Variants in DENND11 observed in about 807,000 individuals in gnomAD.
DENND11 encodes the protein DENN domain containing 11.
In DENND11, 34 loss-of-function variants were observed where a neutral mutation model predicts 49.2. The ratio of observed to expected loss-of-function variants is 0.69; its 90% CI spans 0.53 to 0.92. The LOEUF is 0.92. DENND11 is among the 40% of genes least tolerant of loss of function. The pLI, the probability that DENND11 is intolerant of heterozygous loss-of-function variation, is 0.00. For synonymous variants in DENND11, 238 were observed against 230.3 expected (o/e 1.03, Z -0.30); for missense variants, 475 against 581.6 (o/e 0.82, Z 1.88).
At chr7:141,676,749 T>A (rs1798064963) in intron 3 of DENND11, among the ~76,000 whole-genome samples, 1 of 152,160 alleles carries the variant, frequency 6.6e-6, no homozygotes, top group Non-Finnish European at 1.5e-5. Context: ...GGATGATAAG[T>A]TAGTCTTCAA....
rs1417523147 is a variant in DENND11, at chr7:141,670,936, G to A, written c.681+3131C>T. Reference sequence around the variant, plus strand: ...CTGCAGATTTGGGTATCTGAGGGAGGGTGCCTAGAACCAAGGCCCTGCAAA... The same window carrying A: ...CTGCAGATTTGGGTATCTGAGGGAGAGTGCCTAGAACCAAGGCCCTGCAAA... On this transcript the variant is annotated intron_variant, in intron 4 of 8. Transcript: ENST00000536163. Among the ~76,000 whole-genome samples, 3 of 152,160 alleles carry A rather than the reference G, an allele frequency of 2.0e-5. No individual in the cohort carries two copies. In the East Asian group the frequency reaches 5.8e-4, roughly 29 times the overall value.
Position 141,660,015 on chromosome 7 carries a change from G to A in DENND11, c.*2641C>T, listed in dbSNP as rs1797765062. ...CTGGTAGCAAAGGATCCTAGGTTGT[G>A]CCTGTTAATCTGTCATGTTGGGGAG... On this transcript the variant is annotated 3_prime_UTR_variant, in exon 9 of 9. Coordinates refer to ENST00000536163, the MANE Select transcript of DENND11 (RefSeq NM_001080392.2). The A allele has an allele frequency of 6.6e-6, 1 of 152,192 alleles. No individual in the cohort carries two copies. Among genetic ancestry groups the A allele is most frequent in the Non-Finnish European group, 1.5e-5 (1 of 68,044 alleles). The allele number at this position is 152,192 out of a possible 1,614,324, so 9.4% of individuals were successfully genotyped here. A position where few individuals can be genotyped will look rare whatever the true frequency, so the allele number is the denominator to read the frequency against.
chr7:141,686,752 C>T (rs1798249920), intron 1 of DENND11, 94 bp from the exon 2 acceptor site: 3 of 817,928 alleles, frequency 3.7e-6, no homozygotes, highest in Non-Finnish European at 6.1e-6. Flanking sequence ...TTTCAATAAA[C>T]CGACTGCTGA....
chr7:141,698,073 C>T (rs536481824), intron 1 of DENND11, among the ~76,000 whole-genome samples: 7 of 152,308 alleles, frequency 4.6e-5, no homozygotes, highest in Admixed American at 2.6e-4. Context: ...AAACTCTAAA[C>T]GCAGCAGTGT....
intron 1 of DENND11, among the ~76,000 whole-genome samples, chr7:141,693,737 G>T (rs1418208835): frequency 6.6e-6 from 1 of 152,172 alleles, no homozygotes; most frequent in Non-Finnish European, 1.5e-5. Flanking sequence ...AGAGAAGCCA[G>T]CCTGAAAAGG....
chr7:141,689,852 A>G (rs1224820352), intron 1 of DENND11, among the ~76,000 whole-genome samples: 1 of 152,218 alleles, frequency 6.6e-6, no homozygotes, highest in African/African-American at 2.4e-5. Context: ...GTGTAGCAAC[A>G]GTTTGTTCAT....
intron 2 of DENND11, 33 bp from the exon 3 acceptor site, chr7:141,685,669 G>C: frequency 6.2e-7 from 1 of 1,607,886 alleles, no homozygotes; most frequent in Non-Finnish European, 8.5e-7. Flanking sequence ...TGTGGCTCAA[G>C]ATCAGAGAGG....
intron 4 of DENND11, among the ~76,000 whole-genome samples, chr7:141,667,778 G>A (rs931416325): frequency 3.9e-5 from 6 of 152,178 alleles, no homozygotes; most frequent in Non-Finnish European, 8.8e-5. Flanking sequence ...ACCCTCCGAA[G>A]CTGTGTCTGC....
intron 4 of DENND11, among the ~76,000 whole-genome samples, chr7:141,670,472 A>G (rs1212225700): frequency 3.9e-5 from 6 of 152,266 alleles, no homozygotes; most frequent in Admixed American, 6.5e-5. Context: ...CCAACATAGT[A>G]TAACAACTAT....
chr7:141,674,160 C>A lies in DENND11; in HGVS notation c.588G>T (p.Lys196Asn). The A allele has an allele frequency of 6.4e-7, 1 of 1,567,664 alleles. No individual in the cohort carries two copies. The highest frequency in any genetic ancestry group is 8.6e-7 in the Non-Finnish European group (1 of 1,156,118). ...TGCCGGGACCAGCATGGAGCACCCC[C>A]TTTTTGTCCTCATAGAAGGCAGCCA... is the stretch of plus-strand genomic sequence containing the variant. ...SHLAAFYEDKKGVLHAGPGRG... is the reference protein window; with the variant it reads ...SHLAAFYEDKNGVLHAGPGRG... Residue 196 changes from lysine to asparagine, a missense_variant, in exon 4 of 9, where the codon AAG (lysine) becomes AAT (asparagine). Coordinates refer to ENST00000536163, the MANE Select transcript of DENND11 (RefSeq NM_001080392.2).
intron 1 of DENND11, among the ~76,000 whole-genome samples, chr7:141,693,045 G>C (rs1798351353): frequency 6.6e-6 from 1 of 152,168 alleles, no homozygotes; most frequent in African/African-American, 2.4e-5. Flanking sequence ...TCTGATCTAT[G>C]AGAGACACTA....
intron 1 of DENND11, among the ~76,000 whole-genome samples, chr7:141,693,567 A>G (rs1239088590): frequency 6.6e-6 from 1 of 152,212 alleles, no homozygotes; most frequent in Admixed American, 6.5e-5. Flanking sequence ...TTTATTCACA[A>G]TGGCCCAAAA....
chr7:141,699,757 G>GT (rs1798476247), intron 1 of DENND11, among the ~76,000 whole-genome samples: 1 of 152,166 alleles, frequency 6.6e-6, no homozygotes, highest in Admixed American at 6.5e-5. Flanking sequence ...ACCATCCCTG[G>GT]TATGTTCCCT....
At chr7:141,697,855 C>T (rs888166483) in intron 1 of DENND11, among the ~76,000 whole-genome samples, 7 of 152,064 alleles carry the variant, frequency 4.6e-5, no homozygotes, top group Non-Finnish European at 7.4e-5. Flanking sequence ...TAGAAGCGCT[C>T]GGATACATTA....
chr7:141,695,704 G>T (rs1364047007), intron 1 of DENND11, among the ~76,000 whole-genome samples: 1 of 152,144 alleles, frequency 6.6e-6, no homozygotes, highest in Non-Finnish European at 1.5e-5. Context: ...AACAAAAGAG[G>T]TCATCTCATG....
rs1562992640 is a variant in DENND11 at position 141,660,269 on chromosome 7, A to T, written c.*2387T>A. The T allele has an allele frequency of 6.6e-6, 1 of 152,208 alleles. No homozygotes were observed. Among genetic ancestry groups the T allele is most frequent in the African/African-American group, 2.4e-5 (1 of 41,436 alleles). 9.4% of individuals were successfully genotyped at this position (152,208 alleles called of 1,614,324 possible). On this transcript the variant is annotated 3_prime_UTR_variant, in exon 9 of 9. Transcript: ENST00000536163. ...ATTTATTGGAATCTCTCTTAAAGGG[A>T]GAAGTTCTGCATTGGGGTCAGCTGA...
intron 1 of DENND11, among the ~76,000 whole-genome samples, chr7:141,690,269 G>A (rs1340996961): frequency 1.3e-5 from 2 of 152,178 alleles, no homozygotes; most frequent in African/African-American, 4.8e-5. Context: ...TGTATGTTTA[G>A]TTCCATAATA....
Position 141,687,631 on chromosome 7 carries a change from A to ATTTTT in DENND11, c.269-978_269-974dup, listed in dbSNP as rs36080710. Among the ~76,000 whole-genome samples the ATTTTT allele has an allele frequency of 3.4e-3, 388 of 112,764 alleles. 8 individuals are homozygous for ATTTTT. Among genetic ancestry groups the ATTTTT allele is most frequent in the East Asian group, 0.011 (41 of 3,632 alleles). The allele number at this position is 112,764 out of a possible 152,430, so 74.0% of individuals were successfully genotyped here. A position where few individuals can be genotyped will look rare whatever the true frequency, so the allele number is the denominator to read the frequency against. On this transcript the variant is annotated intron_variant, in intron 1 of 8. Coordinates refer to ENST00000536163, the MANE Select transcript of DENND11 (RefSeq NM_001080392.2). ...AGGCGCATACCAGCACACTCGGCTAATTTTTTTTTTTTTTTTTTTTGAGAC... is the reference window on the plus strand; with the variant it reads ...AGGCGCATACCAGCACACTCGGCTAATTTTTTTTTTTTTTTTTTTTTTTTTGAGAC...
chr7:141,658,402 T>G lies in DENND11; in HGVS notation c.*4254A>C. ...TCCCCCTACCTGAATCACAAAAGGG[T>G]TTTCCTGAAATGAGAGGGGATGGGA... On this transcript the variant is annotated 3_prime_UTR_variant, in exon 9 of 9. Transcript: ENST00000536163. The G allele has an allele frequency of 6.6e-6, 1 of 151,834 alleles. No individual in the cohort carries two copies. Among genetic ancestry groups the G allele is most frequent in the East Asian group, 1.9e-4 (1 of 5,174 alleles). 9.4% of individuals were successfully genotyped at this position (151,834 alleles called of 1,614,324 possible).
Sources: allele counts gnomAD v4.1 joint callset (sites outside exome capture counted in the v4.1 genomes callset), GRCh38; gene constraint gnomAD v4.1.1; transcripts MANE v1.5; gene names NCBI Gene and HGNC (gene_info 2026-07-23, HGNC 2026-07-21).